The following RBFOX1 variants were observed in gnomAD, a reference collection of about 807,000 sequenced individuals.
RBFOX1 encodes RNA binding fox-1 homolog 1.
RBFOX1 carries 8 observed loss-of-function variants against 57.7 expected under a neutral mutation model. The observed-to-expected ratio is 0.14, with a 90% CI of 0.08 to 0.25. The LOEUF (loss-of-function observed/expected upper bound fraction) is 0.25, where lower values mean the gene tolerates loss of function less well. Ranked by LOEUF, RBFOX1 falls within the 10% of genes least tolerant of loss-of-function variation. The pLI, the probability that RBFOX1 is intolerant of heterozygous loss-of-function variation, is 1.00. For missense variants in RBFOX1, 611 were observed against 548.5 expected (o/e 1.11, Z -1.14); for synonymous variants, 326 against 222.4 (o/e 1.47, Z -4.15).
At chr16:6,883,245 G>A (rs549112377) in intron 3 of RBFOX1, among the ~76,000 whole-genome samples, 9 of 152,272 alleles carry the variant, frequency 5.9e-5, no homozygotes, top group African/African-American at 2.2e-4. Flanking sequence ...TACACTATGG[G>A]TTTTCTTTTT....
At chr16:5,789,507 C>A (rs531278373) in intron 3 of RBFOX1, among the ~76,000 whole-genome samples, 153 of 152,174 alleles carry the variant, frequency 1.0e-3, no homozygotes, top group African/African-American at 3.6e-3. Flanking sequence ...TAAGATGTTA[C>A]TATAGGGCAT....
intron 4 of RBFOX1, among the ~76,000 whole-genome samples, chr16:7,382,758 C>T (rs1486506984): frequency 1.3e-5 from 2 of 152,214 alleles, no homozygotes. Context: ...AGCCAGCATA[C>T]ATTAAATAGA....
chr16:7,246,212 T>G (rs2094292162), intron 4 of RBFOX1, among the ~76,000 whole-genome samples: 1 of 152,190 alleles, frequency 6.6e-6, no homozygotes, highest in South Asian at 2.1e-4. Flanking sequence ...CTTTCAAATT[T>G]GAGAGAAAAT....
intron 3 of RBFOX1, among the ~76,000 whole-genome samples, chr16:6,883,746 C>A (rs1186819557): frequency 2.6e-5 from 4 of 151,770 alleles, no homozygotes; most frequent in African/African-American, 9.7e-5. Context: ...AAGTTTTCTA[C>A]AGTTCTTATA....
At chr16:5,647,693 C>T (rs1002744288) in intron 3 of RBFOX1, among the ~76,000 whole-genome samples, 1 of 152,150 alleles carries the variant, frequency 6.6e-6, no homozygotes, top group Non-Finnish European at 1.5e-5. Context: ...TAATCCGTAG[C>T]TTAACAATAA....
At chr16:5,441,293 G>T (rs553167863) in intron 1 of RBFOX1, among the ~76,000 whole-genome samples, 1 of 151,762 alleles carries the variant, frequency 6.6e-6, no homozygotes, top group African/African-American at 2.4e-5. Flanking sequence ...ACAGTGGTCA[G>T]TGTATTAGTC....
chr16:6,143,044 T>G (rs537417250), intron 1 of RBFOX1, among the ~76,000 whole-genome samples: 7 of 152,340 alleles, frequency 4.6e-5, no homozygotes, highest in African/African-American at 1.7e-4. Flanking sequence ...TAATATTTGT[T>G]AAGTGCATGA....
chr16:6,317,656 A>T (rs2081278887), intron 2 of RBFOX1, among the ~76,000 whole-genome samples: 1 of 152,094 alleles, frequency 6.6e-6, no homozygotes, highest in Admixed American at 6.6e-5. Flanking sequence ...GCATGCAAGG[A>T]CTTTATTTTT....
At chr16:6,863,798 C>A (rs554719310) in intron 3 of RBFOX1, among the ~76,000 whole-genome samples, 1 of 127,774 alleles carries the variant, frequency 7.8e-6, no homozygotes, top group South Asian at 2.7e-4. Flanking sequence ...CCTTGTGATA[C>A]AGTCTCAGGA....
intron 4 of RBFOX1, among the ~76,000 whole-genome samples, chr16:7,076,338 T>G (rs749802670): frequency 6.6e-6 from 1 of 152,146 alleles, no homozygotes; most frequent in Non-Finnish European, 1.5e-5. Context: ...GGCCATTTTT[T>G]TCTTTATGGT....
At chr16:5,434,526 T>A (rs1173365921) in intron 1 of RBFOX1, among the ~76,000 whole-genome samples, 1 of 151,810 alleles carries the variant, frequency 6.6e-6, no homozygotes, top group Non-Finnish European at 1.5e-5. Context: ...TTCTCCATGT[T>A]AAGCTGGTCT....
intron 1 of RBFOX1, among the ~76,000 whole-genome samples, chr16:5,274,207 G>C (rs190504996): frequency 3.9e-5 from 6 of 152,128 alleles, no homozygotes; most frequent in Admixed American, 6.5e-5. Flanking sequence ...GAAGAAGAAG[G>C]TTCCAGCATC....
intron 2 of RBFOX1, among the ~76,000 whole-genome samples, chr16:5,510,324 C>G (rs1291647116): frequency 6.6e-6 from 1 of 152,200 alleles, no homozygotes; most frequent in Non-Finnish European, 1.5e-5. Flanking sequence ...TGGGGCCGCT[C>G]TCCCTCTGAC....
intron 3 of RBFOX1, among the ~76,000 whole-genome samples, chr16:5,831,678 G>C (rs1409247836): frequency 6.6e-6 from 1 of 151,768 alleles, no homozygotes; most frequent in Non-Finnish European, 1.5e-5. Flanking sequence ...TGGTAGAGAC[G>C]GGGTTTCACC....
intron 4 of RBFOX1, among the ~76,000 whole-genome samples, chr16:5,998,132 A>C (rs2060522050): frequency 6.6e-6 from 1 of 152,174 alleles, no homozygotes; most frequent in Non-Finnish European, 1.5e-5. Context: ...AAGTCTGTAT[A>C]AACCTACCAA....
At chr16:5,547,040 C>T (rs140517749) in intron 2 of RBFOX1, among the ~76,000 whole-genome samples, 1 of 152,230 alleles carries the variant, frequency 6.6e-6, no homozygotes, top group East Asian at 1.9e-4. Flanking sequence ...CAAGTTAAGA[C>T]CACAATGAGA....
intron 4 of RBFOX1, among the ~76,000 whole-genome samples, chr16:7,273,728 A>T (rs895239582): frequency 6.2e-4 from 95 of 152,330 alleles, no homozygotes; most frequent in African/African-American, 2.1e-3. Flanking sequence ...AATTTTATCT[A>T]AATTCCCCAT....
At chr16:6,382,205 C>A (rs2091880373) in intron 2 of RBFOX1, among the ~76,000 whole-genome samples, 1 of 152,146 alleles carries the variant, frequency 6.6e-6, no homozygotes, top group South Asian at 2.1e-4. Flanking sequence ...TTTAAAATTG[C>A]AAGAGCCATT....
chr16:5,442,510 G>T (rs2068114940), intron 1 of RBFOX1, among the ~76,000 whole-genome samples: 1 of 152,194 alleles, frequency 6.6e-6, no homozygotes, highest in African/African-American at 2.4e-5. Context: ...CATGAGGCTG[G>T]TGAGGATGAT....
Sources: gnomAD v4.1 joint callset for allele counts (sites outside exome capture counted in the v4.1 genomes callset) on GRCh38, gnomAD v4.1.1 for gene constraint, MANE v1.5 for transcripts, NCBI Gene and HGNC (gene_info 2026-07-23, HGNC 2026-07-21) for gene names.